The following NDUFAF6 variants were observed in gnomAD, a reference collection of about 807,000 sequenced individuals.
NDUFAF6 encodes the protein NADH:ubiquinone oxidoreductase complex assembly factor 6.
Under a neutral mutation model 40.8 loss-of-function variants are expected in NDUFAF6, and 45 were observed. The observed-to-expected ratio is 1.10, with a 90% CI of 0.87 to 1.42. NDUFAF6 has a LOEUF of 1.42. Ranked by LOEUF, NDUFAF6 falls within the 40% of genes most tolerant of loss-of-function variation. The probability of loss-of-function intolerance (pLI) is 0.00; values close to 1 mark genes in which losing one functional copy is unlikely to be tolerated. For synonymous variants in NDUFAF6, 185 were observed against 155.9 expected (o/e 1.19, Z -1.39); for missense variants, 435 against 418.5 (o/e 1.04, Z -0.34).
chr8:95,075,010 A>T (rs1832988518), intron 9 of NDUFAF6, among the ~76,000 whole-genome samples: 1 of 152,170 alleles, frequency 6.6e-6, no homozygotes, highest in African/African-American at 2.4e-5. Context: ...CGTGAAAAAC[A>T]TTATTTCTCA....
At chr8:94,970,738 A>G (rs1210184504) in intron 1 of NDUFAF6, among the ~76,000 whole-genome samples, 4 of 152,370 alleles carry the variant, frequency 2.6e-5, no homozygotes, top group South Asian at 4.1e-4. Context: ...GAAAATGTCT[A>G]TATCATATTA....
chr8:95,034,779 A>G (rs1467414376), intron 2 of NDUFAF6: 1 of 152,322 alleles, frequency 6.6e-6, no homozygotes, highest in Non-Finnish European at 1.5e-5. Context: ...CCTTGCTACT[A>G]ATAAGCAGCC....
At chr8:94,990,518 C>G (rs538534500) in intron 2 of NDUFAF6, among the ~76,000 whole-genome samples, 41 of 152,058 alleles carry the variant, frequency 2.7e-4, no homozygotes, top group Non-Finnish European at 4.9e-4. Context: ...TTCACTAAAC[C>G]TTTCCAAAAA....
chr8:94,935,119 GTAGATAGATATAGA>G, intron 1 of NDUFAF6, among the ~76,000 whole-genome samples: 1 of 115,850 alleles, frequency 8.6e-6, no homozygotes, highest in African/African-American at 3.4e-5. Context: ...AGGTACATAG[GTAGATAGATATAGA>G]TAGATAGATA....
At chr8:95,046,918 T>C in intron 5 of NDUFAF6, 76 bp from the exon 6 acceptor site, 1 of 1,591,356 alleles carries the variant, frequency 6.3e-7, no homozygotes, top group Non-Finnish European at 8.6e-7. Context: ...ATGTTTAGGT[T>C]ATTTCTCTAT....
chr8:94,951,670 A>G (rs1335700340), intron 2 of NDUFAF6, among the ~76,000 whole-genome samples: 2 of 152,202 alleles, frequency 1.3e-5, no homozygotes, highest in African/African-American at 4.8e-5. Flanking sequence ...TTACCACGAC[A>G]TTGTTTGGAA....
intron 1 of NDUFAF6, among the ~76,000 whole-genome samples, chr8:94,920,778 T>G (rs1158506838): frequency 1.3e-5 from 2 of 152,240 alleles, no homozygotes; most frequent in Non-Finnish European, 2.9e-5. Flanking sequence ...TTGCCAGCCA[T>G]TCTCTATGAG....
chr8:95,095,619 A>G (rs1809434035), upstream of NDUFAF6, among the ~76,000 whole-genome samples: 1 of 151,264 alleles, frequency 6.6e-6, no homozygotes, highest in Non-Finnish European at 1.5e-5. Flanking sequence ...CTCCACCCCC[A>G]TTAGCCAATA....
At chr8:95,069,214 G>C (rs1225373153) in intron 9 of NDUFAF6, 1 of 151,944 alleles carries the variant, frequency 6.6e-6, no homozygotes, top group African/African-American at 2.4e-5. Flanking sequence ...AAACAAGGTG[G>C]CTGTTCTCAT....
At chr8:95,098,750 A>G (rs767122953), upstream of NDUFAF6, among the ~76,000 whole-genome samples, 2 of 152,204 alleles carry the variant, frequency 1.3e-5, no homozygotes, top group Non-Finnish European at 2.9e-5. Flanking sequence ...AAAGTAGATC[A>G]TATTGCCATG....
At chr8:95,085,781 C>G (rs1809027009) in intron 2 of NDUFAF6, 1 of 152,006 alleles carries the variant, frequency 6.6e-6, no homozygotes, top group African/African-American at 2.4e-5. Context: ...TAAAAAGATT[C>G]AAGACATAAA....
intron 1 of NDUFAF6, among the ~76,000 whole-genome samples, chr8:95,029,453 A>G (rs1406227173): frequency 6.6e-6 from 1 of 152,218 alleles, no homozygotes; most frequent in Non-Finnish European, 1.5e-5. Flanking sequence ...TGGTCTGTAT[A>G]TTGTAAGTAC....
chr8:94,969,248 A>G (rs74633235), intron 1 of NDUFAF6, among the ~76,000 whole-genome samples: 19,908 of 152,124 alleles, frequency 0.13, 1,631 homozygotes, highest in Middle Eastern at 0.23. Context: ...GGATGAGGAG[A>G]ATCTGGCAAA....
At chr8:95,064,685 T>G (rs1832659690) in intron 9 of NDUFAF6, among the ~76,000 whole-genome samples, 1 of 149,680 alleles carries the variant, frequency 6.7e-6, no homozygotes. Flanking sequence ...CTCTCTGACC[T>G]TCTGCTCTCC....
intron 1 of NDUFAF6, among the ~76,000 whole-genome samples, chr8:95,026,988 A>G (rs112458807): frequency 6.6e-6 from 1 of 152,138 alleles, no homozygotes; most frequent in East Asian, 1.9e-4. Flanking sequence ...TGAGGCTGCT[A>G]TGAGCCGAGT....
intron 2 of NDUFAF6, among the ~76,000 whole-genome samples, chr8:94,999,115 T>C (rs1158826081): frequency 1.3e-5 from 2 of 151,198 alleles, no homozygotes; most frequent in Non-Finnish European, 2.9e-5. Context: ...TCTACTAAAT[T>C]CCATTCTACT....
At chr8:94,996,769 G>C (rs1826448747) in intron 2 of NDUFAF6, among the ~76,000 whole-genome samples, 2 of 152,196 alleles carry the variant, frequency 1.3e-5, no homozygotes, top group East Asian at 3.8e-4. Context: ...GACATCATTA[G>C]GGTGGGCCCT....
chr8:95,024,769 AG>A (rs914364756), upstream of NDUFAF6, among the ~76,000 whole-genome samples: 1 of 152,140 alleles, frequency 6.6e-6, no homozygotes, highest in Non-Finnish European at 1.5e-5. Context: ...ACGTGGGGGA[AG>A]GGGAAGAGCC....
intron 9 of NDUFAF6, among the ~76,000 whole-genome samples, chr8:95,064,573 G>A (rs547473079): frequency 6.6e-6 from 1 of 152,194 alleles, no homozygotes; most frequent in South Asian, 2.1e-4. Context: ...GCGCGCGTGC[G>A]TGTGCATGAT....
Sources: gnomAD v4.1 joint callset for allele counts (sites outside exome capture counted in the v4.1 genomes callset) on GRCh38, gnomAD v4.1.1 for gene constraint, MANE v1.5 for transcripts, NCBI Gene and HGNC (gene_info 2026-07-23, HGNC 2026-07-21) for gene names.